Variants in POC1B observed in about 807,000 individuals in gnomAD.
POC1B encodes the protein POC1 centriolar protein B.
A neutral mutation model predicts 60.6 loss-of-function variants in POC1B; 44 were observed. The ratio of observed to expected loss-of-function variants is 0.73; its 90% CI spans 0.57 to 0.93. The LOEUF is 0.93. POC1B is among the 40% of genes least tolerant of loss of function. The pLI is 0.00. For synonymous variants in POC1B, 180 were observed against 198.9 expected, an observed-to-expected ratio of 0.90 and a Z score of 0.80; for missense variants, 555 against 572.3, an observed-to-expected ratio of 0.97 and a Z score of 0.31.
chr12:89,455,662 A>AT (rs1201013628), intron 10 of POC1B, among the ~76,000 whole-genome samples: 1 of 152,128 alleles, frequency 6.6e-6, no homozygotes, highest in African/African-American at 2.4e-5. Context: ...AGACCCTTGG[A>AT]TTTTTTTCTA....
intron 10 of POC1B, among the ~76,000 whole-genome samples, chr12:89,445,823 C>A (rs1375089923): frequency 6.6e-6 from 1 of 152,104 alleles, no homozygotes; most frequent in Non-Finnish European, 1.5e-5. Context: ...AACAGGCAAC[C>A]TAAAGAATGG....
intron 4 of POC1B, among the ~76,000 whole-genome samples, chr12:89,479,943 C>G (rs904742206): frequency 2.0e-5 from 3 of 152,068 alleles, no homozygotes; most frequent in African/African-American, 7.2e-5. Flanking sequence ...ATCTAGTTAT[C>G]TTAACTACAT....
chr12:89,446,754 C>T (rs928939397), intron 10 of POC1B, among the ~76,000 whole-genome samples: 3 of 150,654 alleles, frequency 2.0e-5, no homozygotes, highest in South Asian at 4.2e-4. Flanking sequence ...TGACTAAAAA[C>T]CTATAGGAAA....
At chr12:89,508,919 T>C (rs900317167) in intron 2 of POC1B, among the ~76,000 whole-genome samples, 2 of 152,244 alleles carry the variant, frequency 1.3e-5, no homozygotes, top group East Asian at 3.8e-4. Context: ...TATGTGTCAA[T>C]TAAACCTTTT....
intron 10 of POC1B, among the ~76,000 whole-genome samples, chr12:89,454,328 G>A (rs1057234497): frequency 1.3e-5 from 2 of 152,096 alleles, no homozygotes; most frequent in Admixed American, 6.6e-5. Context: ...GAATCCGATC[G>A]CTTATCACCA....
intron 2 of POC1B, 176 bp downstream of exon 2, chr12:89,524,944 G>A (rs2135784412): frequency 2.0e-6 from 2 of 1,013,250 alleles, no homozygotes; most frequent in Non-Finnish European, 2.8e-6. Flanking sequence ...TGGGGGCCGG[G>A]ATGGCAGAGG....
chr12:89,483,724 T>A (rs1868475519), intron 4 of POC1B, among the ~76,000 whole-genome samples: 1 of 152,108 alleles, frequency 6.6e-6, no homozygotes, highest in African/African-American at 2.4e-5. Context: ...GAATTCTACA[T>A]CTCAGCAAAA....
intron 2 of POC1B, among the ~76,000 whole-genome samples, chr12:89,498,385 T>C (rs1869366155): frequency 1.3e-5 from 2 of 152,246 alleles, no homozygotes; most frequent in Non-Finnish European, 2.9e-5. Context: ...TATATGCATG[T>C]AGCCCTAGAA....
chr12:89,471,249 G>C (rs1357706882), intron 6 of POC1B, among the ~76,000 whole-genome samples: 1 of 152,110 alleles, frequency 6.6e-6, no homozygotes, highest in Non-Finnish European at 1.5e-5. Context: ...AGGCATAGTA[G>C]GTAGTTGTTT....
chr12:89,484,058 A>G (rs1439980673), intron 4 of POC1B, among the ~76,000 whole-genome samples: 1 of 152,244 alleles, frequency 6.6e-6, no homozygotes, highest in Non-Finnish European at 1.5e-5. Context: ...AAACAGCATA[A>G]AATTAATTCA....
chr12:89,472,276 CTAGAAA>C lies in POC1B; in HGVS notation c.453-7_453-2del, dbSNP rs1882929478. On this transcript the variant is annotated splice_acceptor_variant and splice_polypyrimidine_tract_variant and intron_variant, in intron 4 of 11. Transcript: ENST00000313546. LOFTEE classifies it high-confidence loss of function. The stretch of plus-strand genomic sequence containing the variant: ...AATTAGTCTTCCATCGGGTGAAAAT[CTAGAAA>C]GAAGAAGAAAGAAGATGTTTTATGT... 3.9e-6 allele frequency: 6 copies of C among 1,527,928 alleles called. No individual in the cohort carries two copies. The highest frequency in any genetic ancestry group is 5.3e-6 in the Non-Finnish European group (6 of 1,130,396). 94.6% of individuals were successfully genotyped at this position (1,527,928 alleles called of 1,614,324 possible).
At chr12:89,419,531 G>C (rs540389060), downstream of POC1B, among the ~76,000 whole-genome samples, 1 of 152,230 alleles carries the variant, frequency 6.6e-6, no homozygotes, top group Admixed American at 6.5e-5. Context: ...CATCACCTAT[G>C]AGATTGTTAG....
intron 4 of POC1B, among the ~76,000 whole-genome samples, chr12:89,478,783 C>T (rs1287614931): frequency 6.6e-6 from 1 of 152,140 alleles, no homozygotes; most frequent in African/African-American, 2.4e-5. Flanking sequence ...CAAAAGATCA[C>T]TTTGTAATCC....
chr12:89,442,467 A>G (rs1299839400), intron 10 of POC1B, among the ~76,000 whole-genome samples: 1 of 152,236 alleles, frequency 6.6e-6, no homozygotes, highest in African/African-American at 2.4e-5. Context: ...TCTTAAAGAA[A>G]AGAATTTTCA....
At chr12:89,474,876 G>A (rs895247818) in intron 4 of POC1B, among the ~76,000 whole-genome samples, 1 of 152,206 alleles carries the variant, frequency 6.6e-6, no homozygotes, top group Non-Finnish European at 1.5e-5. Flanking sequence ...ACATCTGTGT[G>A]TGTTGCCATA....
At chr12:89,494,512 G>A (rs1189520843) in intron 3 of POC1B, among the ~76,000 whole-genome samples, 1 of 152,060 alleles carries the variant, frequency 6.6e-6, no homozygotes, top group Non-Finnish European at 1.5e-5. Context: ...TGTGACTTTT[G>A]AGGGGAGGTG....
rs562647885 is a variant in POC1B at position 89,502,809 on chromosome 12, C to T, written c.101-5467G>A. The T allele has an allele frequency of 1.7e-4, 223 of 1,321,542 alleles. 2 individuals carry two copies. The highest frequency in any genetic ancestry group is 2.2e-4 in the Non-Finnish European group (204 of 944,720). 81.9% of individuals were successfully genotyped at this position (1,321,542 alleles called of 1,614,324 possible). A position where few individuals can be genotyped will look rare whatever the true frequency, so the allele number is the denominator to read the frequency against. On this transcript the variant is annotated intron_variant, in intron 2 of 11. Transcript: ENST00000313546. ...TTTTATGTTAACTTTGGTGACCTTT[C>T]GTGTACTTTACACGAAATACCTTAT...
intron 10 of POC1B, among the ~76,000 whole-genome samples, chr12:89,452,594 T>G (rs550703429): frequency 1.3e-5 from 2 of 152,232 alleles, no homozygotes; most frequent in South Asian, 4.1e-4. Context: ...ACTTTGAAAC[T>G]TAAAGAGAAA....
the POC1B span, among the ~76,000 whole-genome samples, chr12:89,407,122 C>T: frequency 2.3e-5 from 3 of 131,114 alleles, no homozygotes; most frequent in African/African-American, 9.0e-5. Context: ...GAACTCCAGC[C>T]TGGGTGACAG....
Sources: allele counts gnomAD v4.1 joint callset (sites outside exome capture counted in the v4.1 genomes callset), GRCh38; gene constraint gnomAD v4.1.1; transcripts MANE v1.5; gene names NCBI Gene and HGNC (gene_info 2026-07-23, HGNC 2026-07-21).